The following SBF2 variants were observed in gnomAD, a reference collection of about 807,000 sequenced individuals.
The protein encoded by SBF2 is myotubularin-related protein 13.
In SBF2, 112 loss-of-function variants were observed where a neutral mutation model predicts 225.2. The ratio of observed to expected loss-of-function variants is 0.50; its 90% CI spans 0.43 to 0.58. SBF2 has a LOEUF of 0.58. Among genes scored for constraint, SBF2 ranks in the 20% least tolerant of loss-of-function variants. The pLI is 0.00. For synonymous variants in SBF2, 763 were observed against 773.3 expected, an observed-to-expected ratio of 0.99 and a Z score of 0.22; for missense variants, 1,996 against 2,206.2, an observed-to-expected ratio of 0.90 and a Z score of 1.91.
chr11:10,012,368 C>G (rs1228206367), intron 6 of SBF2, among the ~76,000 whole-genome samples: 1 of 152,172 alleles, frequency 6.6e-6, no homozygotes, highest in African/African-American at 2.4e-5. Context: ...TCCTGAACTT[C>G]TGGGCTTAAG....
intron 2 of SBF2, among the ~76,000 whole-genome samples, chr11:10,104,599 C>G (rs975336779): frequency 6.6e-6 from 1 of 152,094 alleles, no homozygotes; most frequent in Admixed American, 6.6e-5. Context: ...TGAAACTGAC[C>G]AAAACAAACT....
chr11:9,833,106 C>G (rs1038425915), intron 26 of SBF2, among the ~76,000 whole-genome samples: 1 of 152,200 alleles, frequency 6.6e-6, no homozygotes, highest in Non-Finnish European at 1.5e-5. Context: ...CAATATTAGA[C>G]TGCCTGAGAT....
chr11:10,222,260 A>C (rs1402059445), intron 1 of SBF2, among the ~76,000 whole-genome samples: 1 of 152,234 alleles, frequency 6.6e-6, no homozygotes, highest in Non-Finnish European at 1.5e-5. Context: ...ACTAACAAAA[A>C]AATCAGGAAA....
At position 10,047,743 on chromosome 11, in the gene SBF2, T is replaced by C. The variant is rs75767429; in HGVS notation, c.142-4762A>G. Among the ~76,000 whole-genome samples the C allele has an allele frequency of 2.2e-4, 34 of 152,332 alleles. No individual in the cohort carries two copies. In the East Asian group the frequency reaches 6.2e-3, roughly 28 times the overall value. On this transcript the variant is annotated intron_variant, in intron 2 of 39. Coordinates refer to ENST00000256190, the MANE Select transcript of SBF2 (RefSeq NM_030962.4). ...TACATTTGGAGAGGGATGTTAATCATGTTCACAGTTTCTCTAGAGAAAGGC... is the reference window on the plus strand; with the variant it reads ...TACATTTGGAGAGGGATGTTAATCACGTTCACAGTTTCTCTAGAGAAAGGC...
At chr11:10,044,074 C>T (rs1015580217) in intron 2 of SBF2, among the ~76,000 whole-genome samples, 1 of 151,952 alleles carries the variant, frequency 6.6e-6, no homozygotes, top group Non-Finnish European at 1.5e-5. Context: ...TAAGCTTTGA[C>T]CTTTGGAAAC....
chr11:10,274,033 A>G (rs967090163), intron 1 of SBF2, among the ~76,000 whole-genome samples: 2 of 152,252 alleles, frequency 1.3e-5, no homozygotes, highest in African/African-American at 4.8e-5. Flanking sequence ...CTCTGGTTTC[A>G]TTATCTTTTT....
At chr11:10,154,853 T>C (rs1213771640) in intron 2 of SBF2, among the ~76,000 whole-genome samples, 1 of 152,154 alleles carries the variant, frequency 6.6e-6, no homozygotes, top group Non-Finnish European at 1.5e-5. Context: ...AAGGCTAGGA[T>C]TCAGTCTCAG....
rs114882952 is a variant in SBF2, at chr11:10,263,978, T to C, written c.55+30037A>G. ...TATTCATGATTTATAAAGTTAATATTAAAAAATAAGAACTACAAGATAATC... is the reference window on the plus strand; with the variant it reads ...TATTCATGATTTATAAAGTTAATATCAAAAAATAAGAACTACAAGATAATC... On this transcript the variant is annotated intron_variant, in intron 1 of 39. Coordinates refer to ENST00000256190, the MANE Select transcript of SBF2 (RefSeq NM_030962.4). 6.8e-3 allele frequency among the ~76,000 whole-genome samples: 1,030 copies of C among 152,302 alleles called. 10 individuals are homozygous for C. Among genetic ancestry groups the C allele is most frequent in the African/African-American group, 0.023 (976 of 41,562 alleles).
intron 13 of SBF2, among the ~76,000 whole-genome samples, chr11:9,980,862 A>G (rs1486966521): frequency 2.6e-5 from 4 of 152,220 alleles, no homozygotes; most frequent in Non-Finnish European, 1.5e-5. Flanking sequence ...CACTGCGCCC[A>G]GCAATAATTT....
chr11:9,889,615 T>C (rs1860628037), intron 17 of SBF2, among the ~76,000 whole-genome samples: 1 of 152,178 alleles, frequency 6.6e-6, no homozygotes, highest in Non-Finnish European at 1.5e-5. Context: ...CATTTTGAAA[T>C]AATACAGGTT....
chr11:10,098,554 G>C (rs1182567333), intron 2 of SBF2, among the ~76,000 whole-genome samples: 1 of 149,136 alleles, frequency 6.7e-6, no homozygotes, highest in Non-Finnish European at 1.5e-5. Flanking sequence ...AAGAAATGGA[G>C]ATCTATGAAT....
Position 9,790,701 on chromosome 11 carries a change from C to A in SBF2, c.4571-18G>T. 4 of 1,541,084 alleles carry A rather than the reference C, an allele frequency of 2.6e-6. 1 individual carries two copies. The highest frequency in any genetic ancestry group is 2.7e-6 in the Non-Finnish European group (3 of 1,120,182). ...TAAAGTTCCTGTAGATTAAAAAAAT[C>A]CAACAAAACAAAATTAAATAAATTC... On this transcript the variant is annotated intron_variant, in intron 33 of 39. Coordinates refer to ENST00000256190, the MANE Select transcript of SBF2 (RefSeq NM_030962.4).
chr11:10,105,393 A>G (rs1952503699), intron 2 of SBF2, among the ~76,000 whole-genome samples: 1 of 152,370 alleles, frequency 6.6e-6, no homozygotes, highest in Non-Finnish European at 1.5e-5. Context: ...AAACATGATG[A>G]TAGAAAGAAA....
chr11:9,939,247 C>T (rs1356653976), intron 16 of SBF2, among the ~76,000 whole-genome samples: 1 of 152,148 alleles, frequency 6.6e-6, no homozygotes, highest in Non-Finnish European at 1.5e-5. Context: ...AGGCACCTGC[C>T]ACCACGCCCG....
chr11:9,945,152 A>C (rs1232267670), intron 16 of SBF2, among the ~76,000 whole-genome samples: 1 of 152,112 alleles, frequency 6.6e-6, no homozygotes, highest in Non-Finnish European at 1.5e-5. Flanking sequence ...CAAACATCCA[A>C]AGCAAACAAA....
rs374234414 is a variant in SBF2 at position 9,870,843 on chromosome 11, G to A, written c.1930-12447C>T. 7.2e-4 allele frequency among the ~76,000 whole-genome samples: 109 copies of A among 151,874 alleles called. No individual in the cohort carries two copies. The South Asian group carries it at 0.019, about 26-fold the overall frequency. ...ACAAAAATTAGCTGGGTGTGGTGGC[G>A]CACGCCTGTAGTCCCAGCTACTTGG... On this transcript the variant is annotated intron_variant, in intron 17 of 39. Coordinates refer to ENST00000256190, the MANE Select transcript of SBF2 (RefSeq NM_030962.4).
Position 10,162,916 on chromosome 11 carries a change from C to CA in SBF2, c.141+30985dup, listed in dbSNP as rs764367601. Among the ~76,000 whole-genome samples, 7 of 151,940 alleles carry CA rather than the reference C, an allele frequency of 4.6e-5. No homozygotes were observed. The South Asian group carries it at 8.3e-4, about 18-fold the overall frequency. On this transcript the variant is annotated intron_variant, in intron 2 of 39. Transcript: ENST00000256190. ...CTGTCCCTTTCATCTGGAAATTTCCCAAAAAACCCAGCTTTTTCAGCTGAG... is the reference window on the plus strand; with the variant it reads ...CTGTCCCTTTCATCTGGAAATTTCCCAAAAAAACCCAGCTTTTTCAGCTGAG...
At chr11:10,094,527 G>GTTTTTTTTTTT (rs1565222159) in intron 2 of SBF2, among the ~76,000 whole-genome samples, 7 of 71,654 alleles carry the variant, frequency 9.8e-5, no homozygotes, top group Admixed American at 1.8e-4. Flanking sequence ...AATACACACA[G>GTTTTTTTTTTT]ATTTTTTTTT....
intron 30 of SBF2, among the ~76,000 whole-genome samples, chr11:9,809,780 A>G (rs1854071948): frequency 1.3e-5 from 2 of 151,984 alleles, no homozygotes; most frequent in Admixed American, 1.3e-4. Context: ...TCCTGACCTC[A>G]GGTAATCCAC....
Sources: gnomAD v4.1 joint callset for allele counts (sites outside exome capture counted in the v4.1 genomes callset) on GRCh38, gnomAD v4.1.1 for gene constraint, MANE v1.5 for transcripts, NCBI Gene and HGNC (gene_info 2026-07-23, HGNC 2026-07-21) for gene names.